KIF18A: variants seen among roughly 807,000 people sequenced by gnomAD.
KIF18A encodes the protein kinesin-like protein KIF18A.
Under a neutral mutation model 103.3 loss-of-function variants are expected in KIF18A, and 67 were observed. The observed-to-expected ratio is 0.65, with a 90% CI of 0.53 to 0.79. The LOEUF is 0.79. KIF18A is among the 30% of genes least tolerant of loss of function. The pLI is 0.00. For synonymous variants in KIF18A, 367 were observed against 355.5 expected (o/e 1.03, Z -0.36); for missense variants, 1,032 against 1,062.5 (o/e 0.97, Z 0.40).
chr11:28,095,066 A>G (rs1182194743), intron 2 of KIF18A, among the ~76,000 whole-genome samples: 2 of 152,108 alleles, frequency 1.3e-5, no homozygotes, highest in Admixed American at 6.5e-5. Context: ...AAATCTCCCT[A>G]CAGATTAGTC....
chr11:28,029,301 T>C (rs1471451844), intron 15 of KIF18A, among the ~76,000 whole-genome samples: 1 of 152,106 alleles, frequency 6.6e-6, no homozygotes, highest in African/African-American at 2.4e-5. Context: ...GCAAGCCCAA[T>C]CCAGCAGCAC....
At position 28,021,080 on chromosome 11, in the gene KIF18A, G is replaced by T; in HGVS notation, c.*120C>A. 1 of 955,526 alleles carries T rather than the reference G, an allele frequency of 1.0e-6. No homozygotes were observed. 59.2% of individuals were successfully genotyped at this position (955,526 alleles called of 1,614,324 possible). A position where few individuals can be genotyped will look rare whatever the true frequency, so the allele number is the denominator to read the frequency against. On this transcript the variant is annotated 3_prime_UTR_variant, in exon 17 of 17. Coordinates refer to ENST00000263181, the MANE Select transcript of KIF18A (RefSeq NM_031217.4). ...TTTTTCTGCTTGCTGAAAGTACTTG[G>T]GTAAACTTAGCTTTAAGATGGGTCT...
intron 6 of KIF18A, 112 bp downstream of exon 6, chr11:28,088,412 C>T: frequency 1.2e-6 from 1 of 821,080 alleles, no homozygotes. Context: ...TACTGATATA[C>T]CCTTGAAATG....
At chr11:28,027,406 C>T (rs917084981) in intron 15 of KIF18A, among the ~76,000 whole-genome samples, 1 of 151,652 alleles carries the variant, frequency 6.6e-6, no homozygotes, top group African/African-American at 2.4e-5. Flanking sequence ...TTTATATTAA[C>T]CCGGCTTTTG....
In KIF18A at chr11:28,097,955, T is replaced by C; in HGVS notation, c.-8A>G. ...TTCCTCAGTGACAGACATTGTTGAT[T>C]ATCTTGATTCCTATCTGTATAAATA... On this transcript the variant is annotated 5_prime_UTR_variant, in exon 2 of 17. The change creates a new upstream start codon in the 5' untranslated region. Coordinates refer to ENST00000263181, the MANE Select transcript of KIF18A (RefSeq NM_031217.4). 6.5e-7 allele frequency: 1 copy of C among 1,540,136 alleles called. No homozygotes were observed. Among genetic ancestry groups the C allele is most frequent in the Non-Finnish European group, 8.7e-7 (1 of 1,143,374 alleles).
intron 1 of KIF18A, among the ~76,000 whole-genome samples, chr11:28,098,658 T>G (rs1048760702): frequency 2.0e-5 from 3 of 152,150 alleles, no homozygotes; most frequent in African/African-American, 7.2e-5. Flanking sequence ...TCTCTGAATA[T>G]TGATCCTACT....
At chr11:28,060,538 C>T (rs545746040) in intron 12 of KIF18A, among the ~76,000 whole-genome samples, 10 of 151,844 alleles carry the variant, frequency 6.6e-5, no homozygotes, top group Non-Finnish European at 1.5e-4. Context: ...GTCATTTAAA[C>T]AATTACTTAT....
At position 28,059,115 on chromosome 11, in the gene KIF18A, A is replaced by C. The variant is rs1424245274; in HGVS notation, c.1759T>G (p.Leu587Val). ...LPTLRKQYCTLKEAGLSNAAF... is the reference protein window; with the variant it reads ...LPTLRKQYCTVKEAGLSNAAF... ...GCATTTGACAGGCCGGCTTCTTTTA[A>C]TGTGCAATATTGTTTTCTTAGGGTT... Residue 587 changes from leucine (L) to valine (V), a missense_variant, in exon 13 of 17, where the codon TTA becomes GTA. Leu to Val is a conservative substitution (Grantham distance 32). Transcript: ENST00000263181. 1.2e-6 allele frequency: 2 copies of C among 1,613,924 alleles called. No individual in the cohort carries two copies. The highest frequency in any genetic ancestry group is 1.7e-6 in the Non-Finnish European group (2 of 1,179,944).
In KIF18A at chr11:28,043,226, T is replaced by A. The variant is rs143716426; in HGVS notation, c.1949-6562A>T. ...ATTATCAGGCTTGTTCCCATCACTG[T>A]TGGCTATATCACACATGGATGAGAT... On this transcript the variant is annotated intron_variant, in intron 13 of 16. Coordinates refer to ENST00000263181, the MANE Select transcript of KIF18A (RefSeq NM_031217.4). Among the ~76,000 whole-genome samples the A allele has an allele frequency of 5.5e-3, 839 of 152,054 alleles. 4 individuals carry two copies. Among genetic ancestry groups the A allele is most frequent in the Non-Finnish European group, 8.3e-3 (565 of 67,916 alleles).
At chr11:28,087,915 T>A (rs965528506) in intron 6 of KIF18A, among the ~76,000 whole-genome samples, 1 of 152,316 alleles carries the variant, frequency 6.6e-6, no homozygotes, top group African/African-American at 2.4e-5. Context: ...TTATAATTTT[T>A]TTGAAAGGAT....
chr11:28,046,862 G>A (rs1288231178), intron 13 of KIF18A, among the ~76,000 whole-genome samples: 2 of 150,942 alleles, frequency 1.3e-5, no homozygotes, highest in African/African-American at 4.9e-5. Context: ...GACCAGCCTG[G>A]TAAATGTGGT....
intron 6 of KIF18A, among the ~76,000 whole-genome samples, chr11:28,085,629 G>A (rs796214816): frequency 2.0e-5 from 3 of 152,240 alleles, no homozygotes; most frequent in African/African-American, 7.2e-5. Flanking sequence ...CAATCACTTA[G>A]AAGATTCACC....
At chr11:28,072,781 A>G (rs1851037940) in intron 10 of KIF18A, among the ~76,000 whole-genome samples, 8 of 151,852 alleles carry the variant, frequency 5.3e-5, no homozygotes, top group Admixed American at 5.3e-4. Flanking sequence ...AAAAAAAACA[A>G]AACCATAAAA....
At chr11:28,034,381 C>G (rs373808747) in intron 15 of KIF18A, among the ~76,000 whole-genome samples, 18 of 151,828 alleles carry the variant, frequency 1.2e-4, no homozygotes, top group African/African-American at 4.1e-4. Context: ...TTAAGTTGGT[C>G]TAAGGTCTGT....
At chr11:28,103,237 A>G (rs1489377416) in intron 1 of KIF18A, among the ~76,000 whole-genome samples, 1 of 152,098 alleles carries the variant, frequency 6.6e-6, no homozygotes, top group Admixed American at 6.6e-5. Context: ...GAGCACCAAC[A>G]TGACACTCAA....
chr11:28,026,650 AT>A (rs1213501969), intron 15 of KIF18A, among the ~76,000 whole-genome samples: 2 of 151,710 alleles, frequency 1.3e-5, no homozygotes, highest in Non-Finnish European at 3.0e-5. Context: ...ATACCTGGAC[AT>A]TTCCTGAAAA....
chr11:28,032,949 C>G (rs902022391), intron 15 of KIF18A, among the ~76,000 whole-genome samples: 2 of 151,592 alleles, frequency 1.3e-5, no homozygotes, highest in Non-Finnish European at 3.0e-5. Context: ...ACAGAAAATA[C>G]CTGCAAACTA....
chr11:28,021,063 C>T lies in KIF18A; in HGVS notation c.*137G>A. Reference sequence around the variant, plus strand: ...GAAAACAAAGAGTTTCATTTTTCTGCTTGCTGAAAGTACTTGGGTAAACTT... The same window carrying T: ...GAAAACAAAGAGTTTCATTTTTCTGTTTGCTGAAAGTACTTGGGTAAACTT... On this transcript the variant is annotated 3_prime_UTR_variant, in exon 17 of 17. Transcript: ENST00000263181. 1.3e-6 allele frequency: 1 copy of T among 744,522 alleles called. No individual in the cohort carries two copies. The highest frequency in any genetic ancestry group is 1.8e-6 in the Non-Finnish European group (1 of 550,890). The allele number at this position is 744,522 out of a possible 1,614,324, so 46.1% of individuals were successfully genotyped here. A position where few individuals can be genotyped will look rare whatever the true frequency, so the allele number is the denominator to read the frequency against.
chr11:28,092,297 G>A lies in KIF18A; in HGVS notation c.484-784C>T, dbSNP rs141799570. 1.6e-4 allele frequency among the ~76,000 whole-genome samples: 25 copies of A among 152,232 alleles called. 1 individual carries two copies. The highest frequency in any genetic ancestry group is 5.8e-4 in the African/African-American group (24 of 41,536). The stretch of plus-strand genomic sequence containing the variant: ...TTACAGAAAACCCATACCAAGGACA[G>A]GTGGTATTTGTTTCGGTTATCCTTC... On this transcript the variant is annotated intron_variant, in intron 3 of 16. Coordinates refer to ENST00000263181, the MANE Select transcript of KIF18A (RefSeq NM_031217.4).
Sources: gnomAD v4.1 joint callset for allele counts (sites outside exome capture counted in the v4.1 genomes callset) on GRCh38, gnomAD v4.1.1 for gene constraint, MANE v1.5 for transcripts, NCBI Gene and HGNC (gene_info 2026-07-23, HGNC 2026-07-21) for gene names.